USH2A: variants seen among roughly 807,000 people sequenced by gnomAD.
USH2A encodes the protein usherin.
A neutral mutation model predicts 538.9 loss-of-function variants in USH2A; 443 were observed. That is an observed-to-expected ratio of 0.82 (90% CI 0.76 to 0.89). The LOEUF is 0.89. USH2A is among the 40% of genes least tolerant of loss of function. USH2A has a pLI of 0.00. For synonymous variants in USH2A, 2,413 were observed against 2,273.5 expected (o/e 1.06, Z -1.75); for missense variants, 6,633 against 6,324.8 (o/e 1.05, Z -1.65).
At chr1:216,364,924 T>A in intron 4 of USH2A, 29 bp downstream of exon 4, 1 of 1,612,340 alleles carries the variant, frequency 6.2e-7, no homozygotes, top group Non-Finnish European at 8.5e-7. Flanking sequence ...TTGGATGAAA[T>A]AAATAACATT....
intron 14 of USH2A, among the ~76,000 whole-genome samples, chr1:216,231,609 C>T (rs991727679): frequency 3.3e-5 from 5 of 151,500 alleles, no homozygotes; most frequent in Non-Finnish European, 5.9e-5. Context: ...AGTACAGTGG[C>T]GCGATCTCGG....
chr1:215,880,783 C>T (rs1319661485), intron 41 of USH2A, among the ~76,000 whole-genome samples: 1 of 152,192 alleles, frequency 6.6e-6, no homozygotes, highest in Non-Finnish European at 1.5e-5. Flanking sequence ...TTTGAGAGTT[C>T]AGGTCAGAGC....
At chr1:215,757,631 A>G (rs1387923993) in intron 58 of USH2A, among the ~76,000 whole-genome samples, 1 of 152,218 alleles carries the variant, frequency 6.6e-6, no homozygotes, top group East Asian at 1.9e-4. Flanking sequence ...TTTTACTTGG[A>G]AAGAAAAGTC....
intron 61 of USH2A, among the ~76,000 whole-genome samples, chr1:215,692,857 TCTC>T (rs774272681): frequency 1.8e-4 from 27 of 152,022 alleles, no homozygotes; most frequent in Non-Finnish European, 1.8e-4. Context: ...GTTGTTTAGT[TCTC>T]CTCCCTTATG....
At chr1:215,794,225 G>T (rs1662060422) in intron 50 of USH2A, among the ~76,000 whole-genome samples, 1 of 152,180 alleles carries the variant, frequency 6.6e-6, no homozygotes, top group Non-Finnish European at 1.5e-5. Flanking sequence ...TATTGACAAA[G>T]ACAACTGAAC....
At chr1:216,335,462 T>C (rs533283884) in intron 4 of USH2A, among the ~76,000 whole-genome samples, 5 of 151,176 alleles carry the variant, frequency 3.3e-5, no homozygotes, top group Admixed American at 1.3e-4. Flanking sequence ...AAATAGAGAA[T>C]AGAAAAACAA....
intron 2 of USH2A, among the ~76,000 whole-genome samples, chr1:216,421,466 G>A (rs1182906077): frequency 1.3e-5 from 2 of 152,114 alleles, no homozygotes; most frequent in Non-Finnish European, 2.9e-5. Context: ...CCCTAGTAAG[G>A]AAATGTTGAT....
rs113228753 is a variant in USH2A, at chr1:215,764,294, A to C, written c.11047+2387T>G. ...GAAGGGCAGAGGAAGAGGAATCTGG[A>C]ATGAACTGAAAAAGACTGGGTCTTC... is the stretch of plus-strand genomic sequence containing the variant. On this transcript the variant is annotated intron_variant, in intron 56 of 71. Coordinates refer to ENST00000307340, the MANE Select transcript of USH2A (RefSeq NM_206933.4). Among the ~76,000 whole-genome samples the C allele has an allele frequency of 3.4e-3, 522 of 152,236 alleles. 2 individuals carry two copies. Among genetic ancestry groups the C allele is most frequent in the African/African-American group, 0.012 (498 of 41,550 alleles).
chr1:216,277,471 CA>C (rs1211524765), intron 11 of USH2A, among the ~76,000 whole-genome samples: 1 of 152,140 alleles, frequency 6.6e-6, no homozygotes, highest in Non-Finnish European at 1.5e-5. Flanking sequence ...AATGGCTTGG[CA>C]CCCCTGAGAT....
In USH2A at chr1:215,809,795, G is replaced by A. The variant is rs182346849; in HGVS notation, c.9739+3941C>T. Among the ~76,000 whole-genome samples, 52 of 152,214 alleles carry A rather than the reference G, an allele frequency of 3.4e-4. No individual in the cohort carries two copies. The South Asian group carries it at 9.1e-3, about 27-fold the overall frequency. ...AGTCATGAGAAAAAAAATAAAGTAC[G>A]TATTTACCAATATTTCAGGCTAATC... On this transcript the variant is annotated intron_variant, in intron 49 of 71. Coordinates refer to ENST00000307340, the MANE Select transcript of USH2A (RefSeq NM_206933.4).
intron 4 of USH2A, among the ~76,000 whole-genome samples, chr1:216,332,396 G>T (rs1463240620): frequency 6.6e-6 from 1 of 152,120 alleles, no homozygotes. Context: ...CTTAAAAGGA[G>T]AAGATGTGAA....
chr1:215,765,749 C>T (rs1050911928), intron 56 of USH2A, among the ~76,000 whole-genome samples: 6 of 152,134 alleles, frequency 3.9e-5, no homozygotes, highest in Non-Finnish European at 8.8e-5. Context: ...ATGCCATTTT[C>T]TCAGTTTGTT....
At chr1:215,828,248 G>T (rs532745823) in intron 47 of USH2A, among the ~76,000 whole-genome samples, 3 of 152,064 alleles carry the variant, frequency 2.0e-5, no homozygotes, top group African/African-American at 7.2e-5. Context: ...CCAGGAGTTC[G>T]AAAGACCAGC....
chr1:216,346,792 C>T (rs1457874514), intron 4 of USH2A, among the ~76,000 whole-genome samples: 1 of 151,580 alleles, frequency 6.6e-6, no homozygotes, highest in Non-Finnish European at 1.5e-5. Flanking sequence ...CTCTAAGGCT[C>T]CACCCTGAAG....
chr1:216,060,759 C>A (rs931144325), intron 30 of USH2A, among the ~76,000 whole-genome samples: 1 of 152,142 alleles, frequency 6.6e-6, no homozygotes, highest in East Asian at 1.9e-4. Flanking sequence ...TGTTTAAACA[C>A]CTTACGGAAA....
intron 15 of USH2A, among the ~76,000 whole-genome samples, chr1:216,208,511 A>G (rs1182075932): frequency 6.6e-6 from 1 of 152,164 alleles, no homozygotes; most frequent in African/African-American, 2.4e-5. Flanking sequence ...CACACTCAAA[A>G]AAAGTAACTT....
chr1:216,172,352 A>G (rs1400356192), intron 21 of USH2A, among the ~76,000 whole-genome samples: 2 of 152,088 alleles, frequency 1.3e-5, no homozygotes, highest in African/African-American at 4.8e-5. Flanking sequence ...AATTATGTAC[A>G]TCAACCTTAT....
At chr1:215,748,192 C>G (rs111373150) in intron 58 of USH2A, among the ~76,000 whole-genome samples, 7,580 of 152,218 alleles carry the variant, frequency 0.05, 221 homozygotes, top group African/African-American at 0.075. Flanking sequence ...GCTTTGCCAC[C>G]AGGCTGGAGT....
rs186314550 is a variant in USH2A at position 216,160,528 on chromosome 1, T to G, written c.4627+14724A>C. Among the ~76,000 whole-genome samples, 385 of 152,086 alleles carry G rather than the reference T, an allele frequency of 2.5e-3. 1 individual carries two copies. The highest frequency in any genetic ancestry group is 8.7e-3 in the African/African-American group (361 of 41,462). ...TCATCACATCTGTAATCCTAACACT[T>G]TGGGAGACTGAAGTGGGAAGACTGC... On this transcript the variant is annotated intron_variant, in intron 21 of 71. Transcript: ENST00000307340.
Sources: allele counts gnomAD v4.1 joint callset (sites outside exome capture counted in the v4.1 genomes callset), GRCh38; gene constraint gnomAD v4.1.1; transcripts MANE v1.5; gene names NCBI Gene and HGNC (gene_info 2026-07-23, HGNC 2026-07-21).